HIVEP3: variants seen among roughly 807,000 people sequenced by gnomAD.
The protein encoded by HIVEP3 is transcription factor HIVEP3.
HIVEP3 carries 49 observed loss-of-function variants against 152.8 expected under a neutral mutation model. The observed-to-expected ratio is 0.32, with a 90% CI of 0.26 to 0.41. The LOEUF (loss-of-function observed/expected upper bound fraction) is 0.41, where lower values mean the gene tolerates loss of function less well. Ranked by LOEUF, HIVEP3 falls within the 10% of genes least tolerant of loss-of-function variation. HIVEP3 has a pLI of 1.00. For missense variants in HIVEP3, 2,790 were observed against 3,103.3 expected, an observed-to-expected ratio of 0.90 and a Z score of 2.40; for synonymous variants, 1,269 against 1,289.0, an observed-to-expected ratio of 0.98 and a Z score of 0.33.
intron 1 of HIVEP3, among the ~76,000 whole-genome samples, chr1:41,941,917 G>T (rs192330744): frequency 6.6e-6 from 1 of 152,086 alleles, no homozygotes; most frequent in Non-Finnish European, 1.5e-5. Context: ...AGTGTAATCC[G>T]CCAATTTCCT....
In HIVEP3 at chr1:41,512,793, A is replaced by G. The variant is rs188958205; in HGVS notation, c.6405+23T>C. ...TGCACCCACAGGGGAGAAGCGGCCC[A>G]GCCACCAGGGGCAGGAACTCACCCA... On this transcript the variant is annotated intron_variant, in intron 8 of 8. Coordinates refer to ENST00000372583, the MANE Select transcript of HIVEP3 (RefSeq NM_024503.5). 5.8e-5 allele frequency: 85 copies of G among 1,460,456 alleles called. 1 individual carries two copies. The Admixed American group carries it at 2.1e-3, about 37-fold the overall frequency. The allele number at this position is 1,460,456 out of a possible 1,614,324, so 90.5% of individuals were successfully genotyped here.
intron 1 of HIVEP3, among the ~76,000 whole-genome samples, chr1:41,940,079 C>T (rs1328220313): frequency 6.6e-6 from 1 of 152,064 alleles, no homozygotes; most frequent in Non-Finnish European, 1.5e-5. Context: ...CTAAAAGATA[C>T]CTCACATTAA....
chr1:41,651,100 G>T (rs1645541580), intron 2 of HIVEP3, among the ~76,000 whole-genome samples: 1 of 152,104 alleles, frequency 6.6e-6, no homozygotes, highest in Admixed American at 6.6e-5. Context: ...ACCAATCGAG[G>T]ATCAAAAATA....
intron 2 of HIVEP3, among the ~76,000 whole-genome samples, chr1:41,687,910 G>A (rs1277994246): frequency 6.6e-6 from 1 of 152,208 alleles, no homozygotes; most frequent in East Asian, 1.9e-4. Context: ...GGGTTTCACA[G>A]ATCCTTGAAA....
At chr1:42,016,750 T>A (rs572000957) in intron 1 of HIVEP3, among the ~76,000 whole-genome samples, 1 of 152,288 alleles carries the variant, frequency 6.6e-6, no homozygotes, top group South Asian at 2.1e-4. Context: ...CAGATCAACC[T>A]CATTCTTTCT....
intron 1 of HIVEP3, among the ~76,000 whole-genome samples, chr1:41,739,796 C>T (rs1490719806): frequency 2.6e-5 from 4 of 152,250 alleles, no homozygotes. Context: ...GACCATGTGA[C>T]TTGTTTAAGG....
chr1:41,531,431 G>A (rs1643249187), intron 5 of HIVEP3, among the ~76,000 whole-genome samples: 1 of 115,644 alleles, frequency 8.6e-6, no homozygotes, highest in African/African-American at 3.1e-5. Flanking sequence ...GGACAGGGGA[G>A]ATGGAAGACA....
rs1358138126 is a variant in HIVEP3 at position 41,662,683 on chromosome 1, G to C, written c.-720-33736C>G. Among the ~76,000 whole-genome samples the C allele has an allele frequency of 2.6e-5, 4 of 151,614 alleles. No individual in the cohort carries two copies. Among genetic ancestry groups the C allele is most frequent in the Admixed American group, 2.0e-4 (3 of 15,264 alleles). On this transcript the variant is annotated intron_variant, in intron 2 of 8. Coordinates refer to ENST00000372583, the MANE Select transcript of HIVEP3 (RefSeq NM_024503.5). This position sits in a 1 kb window ranked among gnomAD's most constrained non-coding sequence, Gnocchi z 7.2. Reference sequence around the variant, plus strand: ...GCGCCGGCCTCCTCGGTGACAGGCCGTGTCACTCCGGGCGCCGCCCCTCCC... The same window carrying C: ...GCGCCGGCCTCCTCGGTGACAGGCCCTGTCACTCCGGGCGCCGCCCCTCCC...
At chr1:41,919,909 G>A (rs1644926430), upstream of HIVEP3, among the ~76,000 whole-genome samples, 1 of 152,132 alleles carries the variant, frequency 6.6e-6, no homozygotes, top group Non-Finnish European at 1.5e-5. Context: ...CTCCAGCATG[G>A]CGCTGTCTGC....
chr1:41,676,894 C>A (rs1054894388), intron 2 of HIVEP3, among the ~76,000 whole-genome samples: 1 of 152,214 alleles, frequency 6.6e-6, no homozygotes, highest in Non-Finnish European at 1.5e-5. Flanking sequence ...GAGGAAAGTC[C>A]ACTTTTCATT....
intron 1 of HIVEP3, among the ~76,000 whole-genome samples, chr1:41,859,239 C>T (rs1002186936): frequency 2.6e-5 from 4 of 152,150 alleles, no homozygotes; most frequent in African/African-American, 4.8e-5. Flanking sequence ...TCTACCCTGC[C>T]GAACCAGAGT....
chr1:41,739,900 G>A (rs1194741250), intron 1 of HIVEP3, among the ~76,000 whole-genome samples: 1 of 152,186 alleles, frequency 6.6e-6, no homozygotes, highest in African/African-American at 2.4e-5. Flanking sequence ...ATTCCTACAT[G>A]ACAGCATCTC....
chr1:41,594,955 T>C (rs1286932565), intron 3 of HIVEP3, among the ~76,000 whole-genome samples: 1 of 152,210 alleles, frequency 6.6e-6, no homozygotes, highest in Non-Finnish European at 1.5e-5. Flanking sequence ...ACTCCCTAGC[T>C]AGCCAGTTGT....
Position 41,989,224 on chromosome 1 carries a change from CACAAA to C in HIVEP3, n.119+46578_119+46582del, listed in dbSNP as rs1294356770. 2.0e-5 allele frequency among the ~76,000 whole-genome samples: 3 copies of C among 152,058 alleles called. No homozygotes were observed. The East Asian group carries it at 5.8e-4, about 29-fold the overall frequency. On this transcript the variant is annotated intron_variant and non_coding_transcript_variant, in intron 1 of 3. Coordinates refer to the HIVEP3 transcript ENST00000489103. ...GAGAGTAGATGTTAAATGCTCTCAC[CACAAA>C]ACAAATGATAATTATATGTGTTAAT...
intron 1 of HIVEP3, among the ~76,000 whole-genome samples, chr1:41,804,578 G>A (rs1473893098): frequency 6.6e-6 from 1 of 152,194 alleles, no homozygotes; most frequent in Non-Finnish European, 1.5e-5. Flanking sequence ...GTTTTTATGT[G>A]AAAGAGAGAA....
At chr1:41,626,595 G>A (rs557680608) in intron 3 of HIVEP3, among the ~76,000 whole-genome samples, 1 of 152,294 alleles carries the variant, frequency 6.6e-6, no homozygotes, top group South Asian at 2.1e-4. Context: ...CTCTCAGAGG[G>A]CTCTGCTTCT....
chr1:41,831,997 C>A (rs1034140720), intron 1 of HIVEP3, among the ~76,000 whole-genome samples: 2 of 152,250 alleles, frequency 1.3e-5, no homozygotes, highest in Middle Eastern at 3.4e-3. Context: ...GGGTCTAGAG[C>A]GTTGCCATTT....
intron 1 of HIVEP3, among the ~76,000 whole-genome samples, chr1:41,841,881 G>A (rs184059306): frequency 2.3e-4 from 35 of 152,256 alleles, no homozygotes; most frequent in African/African-American, 8.2e-4. Context: ...CTTGAGGTCA[G>A]GAGTTCAAGA....
At chr1:41,888,429 T>C (rs1387962050) in intron 1 of HIVEP3, among the ~76,000 whole-genome samples, 3 of 151,188 alleles carry the variant, frequency 2.0e-5, no homozygotes, top group Non-Finnish European at 4.4e-5. Flanking sequence ...TGCAGGTGAG[T>C]GTGGCCGATA....
Sources: allele counts gnomAD v4.1 joint callset (sites outside exome capture counted in the v4.1 genomes callset), GRCh38; gene constraint gnomAD v4.1.1; non-coding constraint Gnocchi (gnomAD v3.1); transcripts MANE v1.5; gene names NCBI Gene and HGNC (gene_info 2026-07-23, HGNC 2026-07-21).